CATSPERB: variants seen among roughly 807,000 people sequenced by gnomAD.
CATSPERB encodes the protein cation channel sperm-associated auxiliary subunit beta.
In CATSPERB, 93 loss-of-function variants were observed where a neutral mutation model predicts 128.3. That is an observed-to-expected ratio of 0.72 (90% CI 0.61 to 0.86). CATSPERB has a LOEUF of 0.86. Ranked by LOEUF, CATSPERB falls within the 40% of genes least tolerant of loss-of-function variation. CATSPERB has a pLI of 0.00. For missense variants in CATSPERB, 1,153 were observed against 1,329.5 expected (o/e 0.87, Z 2.06); for synonymous variants, 381 against 448.8 (o/e 0.85, Z 1.91).
intron 26 of CATSPERB, among the ~76,000 whole-genome samples, chr14:91,583,685 T>G (rs141715567): frequency 6.6e-5 from 10 of 152,346 alleles, no homozygotes; most frequent in Non-Finnish European, 1.3e-4. Flanking sequence ...ATTTGTGTTT[T>G]TAAGCACAAA....
chr14:91,592,225 C>A (rs531924706), intron 22 of CATSPERB: 1 of 525,580 alleles, frequency 1.9e-6, no homozygotes, highest in South Asian at 2.2e-5. Flanking sequence ...TACTCAGCCG[C>A]TTGCCGTTCA....
At chr14:91,686,141 T>C (rs1895371309) in intron 10 of CATSPERB, among the ~76,000 whole-genome samples, 1 of 152,164 alleles carries the variant, frequency 6.6e-6, no homozygotes, top group African/African-American at 2.4e-5. Flanking sequence ...AACAGAATAT[T>C]ATCTTCCCCT....
chr14:91,629,932 G>A (rs963097311), intron 17 of CATSPERB, among the ~76,000 whole-genome samples: 2 of 152,122 alleles, frequency 1.3e-5, no homozygotes, highest in African/African-American at 2.4e-5. Flanking sequence ...CTGTTGAGTG[G>A]AGAAAACACT....
At chr14:91,610,828 T>A in intron 20 of CATSPERB, 151 bp from the exon 21 acceptor site, 1 of 691,746 alleles carries the variant, frequency 1.4e-6, no homozygotes, top group Non-Finnish European at 2.4e-6. Context: ...GTAATTAAGG[T>A]AAAATGAGGT....
chr14:91,659,796 G>C (rs898713943), intron 15 of CATSPERB, 41 bp downstream of exon 15: 8 of 1,569,184 alleles, frequency 5.1e-6, no homozygotes, highest in Non-Finnish European at 6.9e-6. Context: ...CTAATCCTGG[G>C]CCACATGTAA....
chr14:91,694,155 G>A (rs1895518376), intron 7 of CATSPERB, among the ~76,000 whole-genome samples: 1 of 152,018 alleles, frequency 6.6e-6, no homozygotes. Flanking sequence ...CTGTTACTCT[G>A]TTATTTGGGC....
At chr14:91,692,175 C>CAAAAAAAAA (rs748422210) in intron 9 of CATSPERB, among the ~76,000 whole-genome samples, 1 of 55,512 alleles carries the variant, frequency 1.8e-5, no homozygotes, top group South Asian at 6.2e-4. Flanking sequence ...GACTCAGTCT[C>CAAAAAAAAA]AAAAAAAAAA....
chr14:91,631,579 C>T (rs1323188927), intron 17 of CATSPERB, among the ~76,000 whole-genome samples: 16 of 152,034 alleles, frequency 1.1e-4, no homozygotes. Context: ...GCAGGAGAAT[C>T]GCTTGAACCC....
At chr14:91,602,434 A>G (rs1893621063) in intron 22 of CATSPERB, among the ~76,000 whole-genome samples, 1 of 152,224 alleles carries the variant, frequency 6.6e-6, no homozygotes, top group African/African-American at 2.4e-5. Flanking sequence ...AAAGATCAGC[A>G]GTTAAGCAAG....
chr14:91,587,989 A>G lies in CATSPERB; in HGVS notation c.3046T>C (p.Leu1016=), dbSNP rs1185021804. Residue 1016 remains leucine (L), a synonymous_variant, in exon 25 of 27, where the codon TTA becomes CTA. Coordinates refer to ENST00000256343, the MANE Select transcript of CATSPERB (RefSeq NM_024764.4). ...AATGCCATCATTACCTTTATGCTTA[A>G]GTTGAGACCTGAAGGATTATACACT... The part of the protein sequence containing the change: ...AAVYNPSGLN[L]SIKGSELFHF... The G allele has an allele frequency of 1.2e-6, 2 of 1,602,856 alleles. No individual in the cohort carries two copies. Among genetic ancestry groups the G allele is most frequent in the South Asian group, 2.2e-5 (2 of 90,376 alleles).
chr14:91,587,332 G>T, intron 25 of CATSPERB, 56 bp from the exon 26 acceptor site: 1 of 1,321,812 alleles, frequency 7.6e-7, no homozygotes, highest in Non-Finnish European at 1.0e-6. Context: ...ATTCCTTTAA[G>T]TATTAATAAA....
At chr14:91,640,149 G>A (rs1046770445) in intron 15 of CATSPERB, among the ~76,000 whole-genome samples, 15 of 152,098 alleles carry the variant, frequency 9.9e-5, no homozygotes, top group Middle Eastern at 3.4e-3. Flanking sequence ...TGATCCTCAC[G>A]CAAACCTCCT....
At chr14:91,700,987 A>G (rs904915787) in intron 7 of CATSPERB, among the ~76,000 whole-genome samples, 2 of 152,204 alleles carry the variant, frequency 1.3e-5, no homozygotes, top group East Asian at 3.8e-4. Flanking sequence ...GCAATTATTA[A>G]ATTAAAAATT....
chr14:91,603,340 A>G (rs1234913764), intron 22 of CATSPERB: 4 of 1,606,140 alleles, frequency 2.5e-6, no homozygotes, highest in Non-Finnish European at 2.6e-6. Context: ...GGTGGTTTCA[A>G]CACTACATCA....
At chr14:91,684,763 C>T (rs537475903) in intron 10 of CATSPERB, among the ~76,000 whole-genome samples, 6 of 151,920 alleles carry the variant, frequency 3.9e-5, no homozygotes, top group South Asian at 2.1e-4. Context: ...TATAGTCACA[C>T]GCCACCACGC....
chr14:91,704,405 T>C, intron 7 of CATSPERB, 147 bp downstream of exon 7: 1 of 705,202 alleles, frequency 1.4e-6, no homozygotes, highest in Non-Finnish European at 2.2e-6. Flanking sequence ...GTAGACAAGA[T>C]ACAGTATTGA....
At chr14:91,731,697 A>G (rs1004068944) in intron 1 of CATSPERB, among the ~76,000 whole-genome samples, 1 of 152,158 alleles carries the variant, frequency 6.6e-6, no homozygotes, top group Non-Finnish European at 1.5e-5. Context: ...ACCCCCAGTT[A>G]TCATTCCTTT....
At chr14:91,587,396 C>A (rs576854425) in intron 25 of CATSPERB, 120 bp from the exon 26 acceptor site, 9 of 562,512 alleles carry the variant, frequency 1.6e-5, no homozygotes, top group Non-Finnish European at 2.6e-5. Flanking sequence ...GATTCCCATC[C>A]TCTTCCTAAG....
chr14:91,600,825 T>G (rs998006965), intron 22 of CATSPERB, among the ~76,000 whole-genome samples: 16 of 152,236 alleles, frequency 1.1e-4, no homozygotes, highest in Admixed American at 4.6e-4. Flanking sequence ...AGTAAATCCT[T>G]GCCCCAAGGG....
Sources: gnomAD v4.1 joint callset for allele counts (sites outside exome capture counted in the v4.1 genomes callset) on GRCh38, gnomAD v4.1.1 for gene constraint, MANE v1.5 for transcripts, NCBI Gene and HGNC (gene_info 2026-07-23, HGNC 2026-07-21) for gene names.